FOXP2: variants seen among roughly 807,000 people sequenced by gnomAD.
FOXP2 encodes the protein forkhead box protein P2.
Under a neutral mutation model 115.8 loss-of-function variants are expected in FOXP2, and 12 were observed. The observed-to-expected ratio is 0.10, with a 90% CI of 0.07 to 0.17. FOXP2 has a LOEUF of 0.17. Among genes scored for constraint, FOXP2 ranks in the 10% least tolerant of loss-of-function variants. The pLI, the probability that FOXP2 is intolerant of heterozygous loss-of-function variation, is 1.00. For missense variants in FOXP2, 629 were observed against 843.5 expected, an observed-to-expected ratio of 0.75 and a Z score of 3.15; for synonymous variants, 328 against 297.7, an observed-to-expected ratio of 1.10 and a Z score of -1.05.
chr7:114,208,783 CT>C (rs1174247473), intron 1 of FOXP2, among the ~76,000 whole-genome samples: 1 of 152,122 alleles, frequency 6.6e-6, no homozygotes, highest in Non-Finnish European at 1.5e-5. Flanking sequence ...CTCTCTCTCT[CT>C]TTGCCTGATG....
At chr7:114,513,664 C>A (rs879480981) in intron 2 of FOXP2, among the ~76,000 whole-genome samples, 1 of 152,078 alleles carries the variant, frequency 6.6e-6, no homozygotes, top group Non-Finnish European at 1.5e-5. Flanking sequence ...AGAGCCCTAG[C>A]AATTGGTTTG....
chr7:114,544,552 G>A (rs1422783671), intron 3 of FOXP2, among the ~76,000 whole-genome samples: 9 of 152,176 alleles, frequency 5.9e-5, no homozygotes, highest in Admixed American at 5.2e-4. Flanking sequence ...TTGCATTGCT[G>A]TAAAAGCTGC....
At chr7:114,664,228 A>C (rs746972150) in intron 15 of FOXP2, 45 bp from the exon 16 acceptor site, 3 of 1,600,160 alleles carry the variant, frequency 1.9e-6, no homozygotes, top group African/African-American at 1.3e-5. Context: ...AAATTATTTT[A>C]AATGCCATTT....
At chr7:114,301,711 T>C (rs1038877924) in intron 2 of FOXP2, among the ~76,000 whole-genome samples, 5 of 152,166 alleles carry the variant, frequency 3.3e-5, no homozygotes, top group African/African-American at 9.6e-5. Context: ...TGTAATTCTG[T>C]AAAATAAAGT....
At chr7:114,108,006 C>T (rs1192408887) in intron 1 of FOXP2, among the ~76,000 whole-genome samples, 2 of 151,678 alleles carry the variant, frequency 1.3e-5, no homozygotes, top group Non-Finnish European at 3.0e-5. Flanking sequence ...AAAAATAAAG[C>T]CAAACTATTT....
rs1369164584 is a variant in FOXP2, at chr7:114,497,693, A to G, written c.169-36924A>G. 3.3e-5 allele frequency among the ~76,000 whole-genome samples: 5 copies of G among 150,252 alleles called. 1 individual carries two copies. The highest frequency in any genetic ancestry group is 9.9e-5 in the African/African-American group (4 of 40,416). ...AATAAATAAATAAATAAATAAATAA[A>G]TAAATAAATAAATAAAAGTTGCATT... is the stretch of plus-strand genomic sequence containing the variant. On this transcript the variant is annotated intron_variant, in intron 2 of 16. Transcript: ENST00000350908.
At chr7:114,417,231 T>A (rs1184445025) in intron 1 of FOXP2, among the ~76,000 whole-genome samples, 1 of 152,024 alleles carries the variant, frequency 6.6e-6, no homozygotes, top group Non-Finnish European at 1.5e-5. Context: ...CTCTAGAGTC[T>A]AGAATCTAAT....
At chr7:114,631,809 C>A in intron 6 of FOXP2, 104 bp downstream of exon 6, 2 of 1,156,026 alleles carry the variant, frequency 1.7e-6, no homozygotes, top group Non-Finnish European at 1.3e-6. Context: ...TTATGACTTT[C>A]AAATTTATTA....
intron 6 of FOXP2, 58 bp from the exon 7 acceptor site, chr7:114,642,352 A>G: frequency 1.5e-6 from 2 of 1,350,566 alleles, no homozygotes; most frequent in East Asian, 2.4e-5. Flanking sequence ...CACAAAGCTC[A>G]TTATATAAAC....
chr7:114,588,524 G>A (rs908034942), intron 3 of FOXP2, among the ~76,000 whole-genome samples: 1 of 152,062 alleles, frequency 6.6e-6, no homozygotes, highest in African/African-American at 2.4e-5. Context: ...ACAAGAAACT[G>A]ACAATACATA....
intron 1 of FOXP2, among the ~76,000 whole-genome samples, chr7:114,260,647 C>A (rs145684756): frequency 6.6e-6 from 1 of 151,824 alleles, no homozygotes; most frequent in Non-Finnish European, 1.5e-5. Flanking sequence ...AAGAAAAAAA[C>A]GCATGAACAA....
chr7:114,298,713 G>A (rs188018424), intron 2 of FOXP2, among the ~76,000 whole-genome samples: 139 of 152,250 alleles, frequency 9.1e-4, no homozygotes, highest in African/African-American at 3.3e-3. Flanking sequence ...TATTGCCCAG[G>A]ACAATTGAAC....
rs1792120855 is a variant in FOXP2 at position 114,138,841 on chromosome 7, A to G, written c.-246-24103A>G. Among the ~76,000 whole-genome samples, 4 of 152,222 alleles carry G rather than the reference A, an allele frequency of 2.6e-5. No individual in the cohort carries two copies. The South Asian group carries it at 8.3e-4, about 32-fold the overall frequency. ...AGGGGGAGTCTAAGGACACAAAATG[A>G]CAAAATGTAACATGGTATCCTGGAT... is the stretch of plus-strand genomic sequence containing the variant. On this transcript the variant is annotated intron_variant, in intron 1 of 19. Coordinates refer to the FOXP2 transcript ENST00000635638.
At chr7:114,509,817 G>A (rs1038235366) in intron 2 of FOXP2, among the ~76,000 whole-genome samples, 3 of 151,874 alleles carry the variant, frequency 2.0e-5, no homozygotes, top group African/African-American at 7.3e-5. Context: ...AAATCTATGA[G>A]TTGTCAGCAT....
intron 2 of FOXP2, among the ~76,000 whole-genome samples, chr7:114,322,632 T>G (rs1033656041): frequency 2.6e-5 from 4 of 152,096 alleles, no homozygotes; most frequent in Non-Finnish European, 4.4e-5. Flanking sequence ...GACAGAGAGG[T>G]TAAGTAAAAT....
At chr7:114,689,686 C>CTT in intron 16 of FOXP2, 96 bp from the exon 17 acceptor site, 1 of 1,228,706 alleles carries the variant, frequency 8.1e-7, no homozygotes, top group Non-Finnish European at 1.2e-6. Context: ...GTTGTGTCTT[C>CTT]TTGCCTTTTT....
chr7:114,418,013 T>C (rs1379028409), intron 1 of FOXP2, among the ~76,000 whole-genome samples: 1 of 151,956 alleles, frequency 6.6e-6, no homozygotes, highest in Non-Finnish European at 1.5e-5. Context: ...TTTCAAAAAC[T>C]TTCTGTGCAT....
intron 2 of FOXP2, among the ~76,000 whole-genome samples, chr7:114,359,219 C>G (rs1051174094): frequency 9.9e-5 from 15 of 152,200 alleles, no homozygotes; most frequent in Non-Finnish European, 8.8e-5. Context: ...GCCTTGGTAG[C>G]TTACATGTGA....
Position 114,385,835 on chromosome 7 carries a change from T to C in FOXP2, c.-10-40667T>C, listed in dbSNP as rs1468399958. ...AGATGGTGGCGAGCCACTTCCAAGA[T>C]GGTGGCGGGCCGCTTCCAAGATGGT... is the stretch of plus-strand genomic sequence containing the variant. On this transcript the variant is annotated intron_variant, in intron 2 of 17. Transcript: ENST00000634411. Among the ~76,000 whole-genome samples, 3 of 152,124 alleles carry C rather than the reference T, an allele frequency of 2.0e-5. No individual in the cohort carries two copies. The South Asian group carries it at 6.2e-4, about 31-fold the overall frequency.
Sources: gnomAD v4.1 joint callset for allele counts (sites outside exome capture counted in the v4.1 genomes callset) on GRCh38, gnomAD v4.1.1 for gene constraint, MANE v1.5 for transcripts, NCBI Gene and HGNC (gene_info 2026-07-23, HGNC 2026-07-21) for gene names.